Variants in TBC1D2B observed in about 807,000 individuals in gnomAD.
TBC1D2B encodes TBC1 domain family, member 2B.
TBC1D2B carries 64 observed loss-of-function variants against 100.8 expected under a neutral mutation model. That is an observed-to-expected ratio of 0.64 (90% CI 0.52 to 0.78). The LOEUF (loss-of-function observed/expected upper bound fraction) is 0.78, where lower values mean the gene tolerates loss of function less well. Among genes scored for constraint, TBC1D2B ranks in the 30% least tolerant of loss-of-function variants. The pLI, the probability that TBC1D2B is intolerant of heterozygous loss-of-function variation, is 0.00. For missense variants in TBC1D2B, 1,052 were observed against 1,218.4 expected (o/e 0.86, Z 2.03); for synonymous variants, 480 against 479.7 (o/e 1.00, Z -0.01).
At chr15:78,075,052 G>A (rs181551624) in intron 1 of TBC1D2B, among the ~76,000 whole-genome samples, 1 of 152,224 alleles carries the variant, frequency 6.6e-6, no homozygotes, top group East Asian at 1.9e-4. Context: ...CTAGACCAAA[G>A]AGGAAACTGG....
chr15:78,004,025 C>T (rs769328007), intron 10 of TBC1D2B, among the ~76,000 whole-genome samples: 2 of 152,216 alleles, frequency 1.3e-5, no homozygotes, highest in South Asian at 2.1e-4. Context: ...CTACCACTTA[C>T]TAGCTGGGTG....
At position 78,003,428 on chromosome 15, in the gene TBC1D2B, A is replaced by C; in HGVS notation, c.2451T>G (p.Phe817Leu). 1.2e-6 allele frequency: 2 copies of C among 1,613,838 alleles called. No homozygotes were observed. The highest frequency in any genetic ancestry group is 1.7e-6 in the Non-Finnish European group (2 of 1,179,756). The change falls in exon 11 of 13, where the codon TTT (phenylalanine) becomes TTG (leucine). Residue 817 changes from phenylalanine to leucine, a missense_variant. Coordinates refer to ENST00000300584, the MANE Select transcript of TBC1D2B (RefSeq NM_144572.2). ...SEKLPRLHGH[F>L]EQYKVDYTLI... ...GAGTGTAGTCGACTTTGTACTGTTCAAAGTGGCCATGCAACCGAGGCAGCT... is the reference window on the plus strand; with the variant it reads ...GAGTGTAGTCGACTTTGTACTGTTCCAAGTGGCCATGCAACCGAGGCAGCT...
In TBC1D2B at chr15:78,024,356, G is replaced by A; in HGVS notation, c.1270C>T (p.Gln424Ter). 1.2e-6 allele frequency: 2 copies of A among 1,614,028 alleles called. No homozygotes were observed. The highest frequency in any genetic ancestry group is 1.7e-6 in the Non-Finnish European group (2 of 1,179,896). ...RFSLEKESLQ[Q>*]EVRTLKSKVG... ...TTGCTCTTCAGCGTCCTTACTTCCT[G>A]CTGAAGACTCTCCTTCTCCAAGCTG... Residue 424 changes from glutamine to a stop codon, truncating the protein, a stop_gained, in exon 6 of 13, where the codon CAG becomes TAG. Transcript: ENST00000300584. LOFTEE classifies it high-confidence loss of function.
At chr15:78,047,530 G>A (rs2073223209) in intron 2 of TBC1D2B, among the ~76,000 whole-genome samples, 1 of 152,132 alleles carries the variant, frequency 6.6e-6, no homozygotes, top group African/African-American at 2.4e-5. Flanking sequence ...AAAAGAGGAT[G>A]GGGGCCCCAT....
chr15:78,051,513 A>G (rs940414149), intron 2 of TBC1D2B, among the ~76,000 whole-genome samples: 1 of 152,208 alleles, frequency 6.6e-6, no homozygotes, highest in Non-Finnish European at 1.5e-5. Context: ...TCTAAGATAT[A>G]CAACTAGCTA....
At chr15:78,013,694 A>G (rs548257507) in intron 8 of TBC1D2B, among the ~76,000 whole-genome samples, 3 of 152,130 alleles carry the variant, frequency 2.0e-5, no homozygotes, top group Non-Finnish European at 4.4e-5. Context: ...CTACATATGT[A>G]TAACTTTATG....
intron 1 of TBC1D2B, among the ~76,000 whole-genome samples, chr15:78,074,460 G>A (rs1325404656): frequency 6.6e-6 from 1 of 152,046 alleles, no homozygotes; most frequent in Admixed American, 6.5e-5. Flanking sequence ...GTAACCCAAA[G>A]GAAAATGTAT....
At chr15:78,061,239 C>T (rs1297201824) in intron 1 of TBC1D2B, among the ~76,000 whole-genome samples, 2 of 147,756 alleles carry the variant, frequency 1.4e-5, no homozygotes, top group Admixed American at 1.4e-4. Context: ...AGCAAAACTC[C>T]ATATCAAAAA....
At chr15:78,027,857 C>T (rs1378233063) in intron 4 of TBC1D2B, among the ~76,000 whole-genome samples, 1 of 152,236 alleles carries the variant, frequency 6.6e-6, no homozygotes, top group African/African-American at 2.4e-5. Context: ...TGGGCACTCT[C>T]ACTGGCCTTG....
At chr15:78,047,316 T>C (rs898214164) in intron 2 of TBC1D2B, among the ~76,000 whole-genome samples, 1 of 152,148 alleles carries the variant, frequency 6.6e-6, no homozygotes, top group Non-Finnish European at 1.5e-5. Flanking sequence ...CTATCATGTA[T>C]TAAGCACTAG....
chr15:78,064,998 A>T (rs1305413551), intron 1 of TBC1D2B, among the ~76,000 whole-genome samples: 1 of 152,178 alleles, frequency 6.6e-6, no homozygotes, highest in Admixed American at 6.5e-5. Flanking sequence ...AATAGTTCTA[A>T]TCTAGCCCCT....
chr15:77,998,455 G>A, intron 12 of TBC1D2B, 100 bp from the exon 13 acceptor site: 1 of 1,154,608 alleles, frequency 8.7e-7, no homozygotes, highest in Non-Finnish European at 1.2e-6. Flanking sequence ...GGCAGGGTGG[G>A]AAGAGCGCTG....
chr15:78,076,391 C>T (rs2073829543), intron 1 of TBC1D2B, among the ~76,000 whole-genome samples: 1 of 152,292 alleles, frequency 6.6e-6, no homozygotes, highest in Middle Eastern at 3.4e-3. Context: ...GGAGCATCCC[C>T]GTCCACTCTG....
chr15:78,066,735 A>T (rs533923693), intron 1 of TBC1D2B, among the ~76,000 whole-genome samples: 1 of 152,376 alleles, frequency 6.6e-6, no homozygotes, highest in Admixed American at 6.5e-5. Context: ...TTCTAAGGCC[A>T]GAGGGTATGC....
chr15:78,064,810 C>G (rs1056921969), intron 1 of TBC1D2B, among the ~76,000 whole-genome samples: 2 of 152,066 alleles, frequency 1.3e-5, no homozygotes, highest in Non-Finnish European at 1.5e-5. Flanking sequence ...CTGTTTCAGC[C>G]CAGCAACAGA....
At chr15:78,011,255 AT>A (rs2072215600) in intron 9 of TBC1D2B, among the ~76,000 whole-genome samples, 1 of 152,064 alleles carries the variant, frequency 6.6e-6, no homozygotes, top group South Asian at 2.1e-4. Context: ...ACCAAATAAC[AT>A]TCCAGCTTAA....
intron 1 of TBC1D2B, among the ~76,000 whole-genome samples, chr15:78,070,146 GCCA>G (rs2141844819): frequency 6.6e-6 from 1 of 152,252 alleles, no homozygotes; most frequent in African/African-American, 2.4e-5. Flanking sequence ...ACTCCTAGTT[GCCA>G]CCAGGCACTC....
intron 11 of TBC1D2B, 39 bp from the exon 12 acceptor site, chr15:78,001,779 C>T: frequency 6.4e-7 from 1 of 1,573,918 alleles, no homozygotes; most frequent in Non-Finnish European, 8.6e-7. Flanking sequence ...TGGAAAAACC[C>T]TGTGGGTCCA....
At position 78,008,567 on chromosome 15, in the gene TBC1D2B, T is replaced by C. The variant is rs2072132834; in HGVS notation, c.2388+430A>G. The stretch of plus-strand genomic sequence containing the variant: ...TCCCTTCCTGGGGCTGGAACTTCTC[T>C]GTCCCTTGTCCTCCACAGGGGCTTC... On this transcript the variant is annotated intron_variant, in intron 10 of 12. Coordinates refer to ENST00000300584, the MANE Select transcript of TBC1D2B (RefSeq NM_144572.2). Among the ~76,000 whole-genome samples, 3 of 152,352 alleles carry C rather than the reference T, an allele frequency of 2.0e-5. No individual in the cohort carries two copies. In the South Asian group the frequency reaches 6.2e-4, roughly 32 times the overall value.
Sources: allele counts gnomAD v4.1 joint callset (sites outside exome capture counted in the v4.1 genomes callset), GRCh38; gene constraint gnomAD v4.1.1; transcripts MANE v1.5; gene names NCBI Gene and HGNC (gene_info 2026-07-23, HGNC 2026-07-21).